OR1L6: variants seen among roughly 807,000 people sequenced by gnomAD.
OR1L6 encodes olfactory receptor 1L6.
Under a neutral mutation model 3.0 loss-of-function variants are expected in OR1L6, and 2 were observed. The observed-to-expected ratio is 0.68, with a 90% confidence interval of 0.28 to 2.13. OR1L6 has a LOEUF of 2.13. Ranked by LOEUF, OR1L6 falls within the 30% of genes most tolerant of loss-of-function variation. The probability of loss-of-function intolerance (pLI) is 0.14; values close to 1 mark genes in which losing one functional copy is unlikely to be tolerated. For missense variants in OR1L6, 304 were observed against 378.4 expected (o/e 0.80, Z 1.63); for synonymous variants, 121 against 148.4 (o/e 0.82, Z 1.34).
intron 1 of OR1L6, among the ~76,000 whole-genome samples, chr9:122,743,511 C>T (rs1828808319): frequency 6.6e-6 from 1 of 152,108 alleles, no homozygotes; most frequent in African/African-American, 2.4e-5. Flanking sequence ...CTGCAGAATC[C>T]CCAAGTGGAA....
At chr9:122,749,796 C>G (rs772349564) in intron 1 of OR1L6, 39 bp from the exon 2 acceptor site, 12 of 1,590,110 alleles carry the variant, frequency 7.5e-6, no homozygotes, top group African/African-American at 1.3e-5. Context: ...TCAAACTGCC[C>G]TTTACATCTC....
At chr9:122,744,929 C>T (rs913185167) in intron 1 of OR1L6, among the ~76,000 whole-genome samples, 23 of 152,170 alleles carry the variant, frequency 1.5e-4, no homozygotes, top group African/African-American at 4.8e-4. Flanking sequence ...TGAGAAAAAT[C>T]TCATAAATTT....
rs368815404 is a variant in OR1L6 at position 122,750,366 on chromosome 9, C to G, written c.519C>G (p.His173Gln). 3 of 1,613,380 alleles carry G rather than the reference C, an allele frequency of 1.9e-6. No homozygotes were observed. The highest frequency in any genetic ancestry group is 1.3e-5 in the African/African-American group (1 of 74,804). Reference protein sequence around the residue: ...LMSRLSFCASHIIKHFFCDTQ... With the variant: ...LMSRLSFCASQIIKHFFCDTQ... ...CTCGCTTGTCTTTCTGTGCCTCTCA[C>G]ATCATTAAGCACTTTTTCTGTGACA... The change falls in exon 2 of 2, where the codon CAC becomes CAG. Residue 173 changes from histidine (H) to glutamine (Q), a missense_variant. Around this residue, in one of 3 missense-constraint regions of OR1L6, gnomAD observed 192 missense variants for 242.7 expected, o/e 0.79. Transcript: ENST00000304720.
chr9:122,750,074 C>A lies in OR1L6; in HGVS notation c.227C>A (p.Thr76Lys). ...NLSFMDICFT[T>K]VIVPKMLVNF... ...TCTTTCATGGATATCTGCTTCACAA[C>A]AGTCATAGTGCCTAAGATGCTGGTG... Residue 76 changes from threonine (T) to lysine (K), a missense_variant, in exon 2 of 2, where the codon ACA becomes AAA. By Grantham distance (78) the Thr-to-Lys change is moderately conservative (BLOSUM62 -1). Coordinates refer to ENST00000304720, the MANE Select transcript of OR1L6 (RefSeq NM_001004453.3). The A allele has an allele frequency of 1.2e-6, 2 of 1,614,156 alleles. No homozygotes were observed. The highest frequency in any genetic ancestry group is 1.7e-6 in the Non-Finnish European group (2 of 1,180,030).
chr9:122,749,093 G>C (rs2118910419), intron 1 of OR1L6, among the ~76,000 whole-genome samples: 1 of 152,250 alleles, frequency 6.6e-6, no homozygotes, highest in East Asian at 1.9e-4. Flanking sequence ...ATTTCTTTCT[G>C]TATTCTGTTC....
In OR1L6 at chr9:122,750,773, T is replaced by G. The variant is rs749214265; in HGVS notation, c.926T>G (p.Ile309Ser). 5.4e-5 allele frequency: 87 copies of G among 1,601,674 alleles called. No individual in the cohort carries two copies. Among genetic ancestry groups the G allele is most frequent in the Non-Finnish European group, 6.7e-5 (79 of 1,174,054 alleles). ...KRGLKKLQDR[I>S]YR ...GGTTTGAAGAAATTACAGGACAGAA[T>G]TTACCGGTAAAAGGAACAAAATGTT... is the stretch of plus-strand genomic sequence containing the variant. Residue 309 changes from isoleucine (I) to serine (S), a missense_variant, in exon 2 of 2, where the codon ATT (isoleucine) becomes AGT (serine). By Grantham distance (142) the Ile-to-Ser change is moderately radical. This residue lies in a region of OR1L6 where 91 missense variants were observed against 87.8 expected (regional missense o/e 1.04). Coordinates refer to ENST00000304720, the MANE Select transcript of OR1L6 (RefSeq NM_001004453.3).
intron 1 of OR1L6, 34 bp downstream of exon 1, chr9:122,742,407 T>G (rs1257187163): frequency 6.6e-6 from 1 of 152,194 alleles, no homozygotes; most frequent in Non-Finnish European, 1.5e-5. Flanking sequence ...TAATGGGAAC[T>G]GTGGAGTCAA....
At chr9:122,749,652 G>A in intron 1 of OR1L6, 183 bp from the exon 2 acceptor site, 1 of 680,638 alleles carries the variant, frequency 1.5e-6, no homozygotes, top group Non-Finnish European at 2.6e-6. Context: ...AGCTTGCAGT[G>A]AGCTGAGATC....
chr9:122,750,475 A>C lies in OR1L6; in HGVS notation c.628A>C (p.Thr210Pro). The C allele has an allele frequency of 7.2e-7, 1 of 1,387,506 alleles. No individual in the cohort carries two copies. The highest frequency in any genetic ancestry group is 2.3e-5 in the East Asian group (1 of 42,960). The allele number at this position is 1,387,506 out of a possible 1,614,324, so 85.9% of individuals were successfully genotyped here. A position where few individuals can be genotyped will look rare whatever the true frequency, so the allele number is the denominator to read the frequency against. ...GACTGAGACCTTAGCTGTCATTGTG[A>C]CCCCCTTCCTGTGTATCATCTTCTC... is the stretch of plus-strand genomic sequence containing the variant. ...VMTETLAVIVTPFLCIIFSYL... is the reference protein window; with the variant it reads ...VMTETLAVIVPPFLCIIFSYL... The change falls in exon 2 of 2, where the codon ACC (threonine) becomes CCC (proline). Residue 210 changes from threonine (T) to proline (P), a missense_variant. This residue lies in a region of OR1L6 where 21 missense variants were observed against 47.9 expected (regional missense o/e 0.44). Transcript: ENST00000304720.
At chr9:122,746,723 G>A (rs955735265) in intron 1 of OR1L6, among the ~76,000 whole-genome samples, 2 of 152,096 alleles carry the variant, frequency 1.3e-5, no homozygotes, top group Non-Finnish European at 2.9e-5. Flanking sequence ...GTATACATGA[G>A]GATCTAATTC....
At chr9:122,743,219 G>T (rs979269754) in intron 1 of OR1L6, among the ~76,000 whole-genome samples, 7 of 152,134 alleles carry the variant, frequency 4.6e-5, no homozygotes, top group Non-Finnish European at 1.0e-4. Flanking sequence ...GAGAAGCAGA[G>T]GTAGGCATCC....
chr9:122,749,990 C>G lies in OR1L6; in HGVS notation c.143C>G (p.Pro48Arg). The G allele has an allele frequency of 1.2e-6, 2 of 1,613,982 alleles. No homozygotes were observed. The highest frequency in any genetic ancestry group is 1.7e-6 in the Non-Finnish European group (2 of 1,180,010). ...LAAVGNVLII[P>R]AIYSDPRLHT... is the part of the protein sequence containing the mutation. ...GCGGTGGGGAATGTGCTCATCATCC[C>G]GGCCATCTACTCTGACCCCAGGCTC... Residue 48 changes from proline (P) to arginine (R), a missense_variant, in exon 2 of 2, where the codon CCG becomes CGG. Pro to Arg is a moderately radical substitution (Grantham distance 103). Around this residue, in one of 3 missense-constraint regions of OR1L6, gnomAD observed 192 missense variants for 242.7 expected, o/e 0.79. Coordinates refer to ENST00000304720, the MANE Select transcript of OR1L6 (RefSeq NM_001004453.3).
intron 1 of OR1L6, among the ~76,000 whole-genome samples, chr9:122,748,933 TTG>T (rs149721479): frequency 2.5e-4 from 38 of 150,028 alleles, no homozygotes; most frequent in African/African-American, 3.6e-4. Flanking sequence ...CAGTATTCCA[TTG>T]TGTGTGTGTG....
chr9:122,749,670 T>G (rs1251365662), intron 1 of OR1L6, 165 bp from the exon 2 acceptor site: 2 of 722,818 alleles, frequency 2.8e-6, no homozygotes, highest in South Asian at 1.7e-5. Flanking sequence ...ATCACGCCAC[T>G]GCACTCCAGT....
intron 1 of OR1L6, among the ~76,000 whole-genome samples, chr9:122,746,300 C>G (rs922777465): frequency 6.6e-6 from 1 of 152,128 alleles, no homozygotes; most frequent in African/African-American, 2.4e-5. Context: ...ATAATAATGT[C>G]TATGTCATAG....
intron 1 of OR1L6, among the ~76,000 whole-genome samples, chr9:122,748,233 G>A (rs1406622512): frequency 6.6e-6 from 1 of 152,036 alleles, no homozygotes; most frequent in African/African-American, 2.4e-5. Context: ...GGACAATAAG[G>A]AGCATTGATT....
At chr9:122,747,938 T>C (rs902051137) in intron 1 of OR1L6, among the ~76,000 whole-genome samples, 3 of 152,158 alleles carry the variant, frequency 2.0e-5, no homozygotes, top group African/African-American at 7.2e-5. Context: ...CTTTTCATGA[T>C]ATTGGTAGAA....
Position 122,749,703 on chromosome 9 carries a change from G to A in OR1L6, c.-13-132G>A, listed in dbSNP as rs371448040. ...AGTCTGGGCGACAGACCGAGACTCC[G>A]TCTCAAAGAAAAAAAAAACAACCGT... On this transcript the variant is annotated intron_variant, in intron 1 of 1. Transcript: ENST00000304720. The A allele has an allele frequency of 1.8e-4, 159 of 873,738 alleles. 1 individual carries two copies. Among genetic ancestry groups the A allele is most frequent in the African/African-American group, 1.0e-4 (6 of 58,836 alleles). 54.1% of individuals were successfully genotyped at this position (873,738 alleles called of 1,614,324 possible).
chr9:122,743,902 G>A (rs575446256), intron 1 of OR1L6, among the ~76,000 whole-genome samples: 1 of 152,272 alleles, frequency 6.6e-6, no homozygotes, highest in African/African-American at 2.4e-5. Context: ...CAATAAGATG[G>A]CCTCTGTTGA....
Sources: gnomAD v4.1 joint callset for allele counts (sites outside exome capture counted in the v4.1 genomes callset) on GRCh38, gnomAD v4.1.1 for gene constraint, gnomAD v4.1.1 regional missense constraint, MANE v1.5 for transcripts, NCBI Gene and HGNC (gene_info 2026-07-23, HGNC 2026-07-21) for gene names.